The following TPM1 variants were observed in gnomAD, a reference collection of about 807,000 sequenced individuals.
TPM1 encodes the protein tropomyosin 1, also known as tropomyosin alpha-1 chain.
TPM1 carries 24 observed loss-of-function variants against 42.9 expected under a neutral mutation model. The observed-to-expected ratio is 0.56, with a 90% confidence interval of 0.41 to 0.79. The LOEUF is 0.79. TPM1 is among the 30% of genes least tolerant of loss of function. The pLI is 0.00. For missense variants in TPM1, 158 were observed against 351.8 expected (o/e 0.45, Z 4.41); for synonymous variants, 136 against 130.1 (o/e 1.05, Z -0.31).
chr15:63,062,422 A>C (rs1166836224), intron 7 of TPM1, 145 bp downstream of exon 7: 1 of 1,232,072 alleles, frequency 8.1e-7, no homozygotes, highest in Admixed American at 1.8e-5. Context: ...TACTGTGCTA[A>C]CTGCCATTTC....
downstream of TPM1, chr15:63,070,814 T>C (rs9920576): frequency 0.14 from 174,110 of 1,247,392 alleles, 12,874 homozygotes; most frequent in Admixed American, 0.27. Context: ...TCAGTGAACC[T>C]TCACCAAACC....
intron 2 of TPM1, chr15:63,048,491 CCAGGACAGCCGCGGCAGCCGGGTCCG>C (rs1566943174): frequency 4.8e-6 from 7 of 1,447,706 alleles, no homozygotes; most frequent in Non-Finnish European, 6.3e-6. Context: ...CGCTGGGCAG[CCAGGACAGCCGCGGCAGCCGGGTCCG>C]CAGGGCAGCA....
In TPM1 at chr15:63,066,119, CTTA is replaced by C; in HGVS notation, c.*223_*225del. The stretch of plus-strand genomic sequence containing the variant: ...TTTCTGTTTGCTATTCTTTTTACTT[CTTA>C]TTTATTGACATTTTAGTTTCAACAT... On this transcript the variant is annotated 3_prime_UTR_variant, in exon 10 of 10. Coordinates refer to ENST00000403994, the MANE Select transcript of TPM1 (RefSeq NM_001018005.2). The C allele has an allele frequency of 6.7e-7, 1 of 1,486,498 alleles. No individual in the cohort carries two copies. The highest frequency in any genetic ancestry group is 8.9e-7 in the Non-Finnish European group (1 of 1,127,482). The allele number at this position is 1,486,498 out of a possible 1,614,324, so 92.1% of individuals were successfully genotyped here. A position where few individuals can be genotyped will look rare whatever the true frequency, so the allele number is the denominator to read the frequency against.
chr15:63,071,042 T>A (rs1485993957), downstream of TPM1: 3 of 1,612,244 alleles, frequency 1.9e-6, no homozygotes, highest in African/African-American at 4.0e-5. Flanking sequence ...ACCACCATTG[T>A]GTCCAAAGCA....
At chr15:63,048,907 C>T (rs1392456977) in intron 2 of TPM1, 10 of 708,174 alleles carry the variant, frequency 1.4e-5, no homozygotes, top group Non-Finnish European at 2.4e-5. Flanking sequence ...TGTTTTCCAT[C>T]TCGCTGATCC....
At chr15:63,058,883 A>G (rs765121640) in intron 3 of TPM1, among the ~76,000 whole-genome samples, 3 of 152,214 alleles carry the variant, frequency 2.0e-5, no homozygotes, top group Non-Finnish European at 4.4e-5. Context: ...ACCATGCCAT[A>G]GGACCCTAAT....
chr15:63,056,548 T>G (rs770044007), intron 2 of TPM1: 26,381 of 221,938 alleles, frequency 0.12, 1,994 homozygotes, highest in Admixed American at 0.25. Context: ...GCGCCTGTAG[T>G]CCCAACTACT....
At chr15:63,043,690 C>G in intron 1 of TPM1, 2 of 1,542,824 alleles carry the variant, frequency 1.3e-6, no homozygotes, top group Non-Finnish European at 1.7e-6. Context: ...CCGCGCCCGC[C>G]CGCCGCTGCC....
At chr15:63,045,852 T>C (rs924209672) in intron 2 of TPM1, 1 of 152,218 alleles carries the variant, frequency 6.6e-6, no homozygotes, top group African/African-American at 2.4e-5. Flanking sequence ...TTTGGTTATT[T>C]TTCCCACCGG....
At chr15:63,048,558 C>A in intron 2 of TPM1, 6 of 1,521,002 alleles carry the variant, frequency 3.9e-6, no homozygotes, top group Non-Finnish European at 5.3e-6. Flanking sequence ...CCCTCCCGCC[C>A]GCCTACCGTC....
chr15:63,051,479 C>A (rs1415760428), intron 2 of TPM1, among the ~76,000 whole-genome samples: 3 of 151,786 alleles, frequency 2.0e-5, no homozygotes, highest in African/African-American at 7.3e-5. Flanking sequence ...GGCTTTGGCA[C>A]ACACAGGAGG....
At chr15:63,062,125 C>A in intron 6 of TPM1, 90 bp from the exon 7 acceptor site, 1 of 1,144,532 alleles carries the variant, frequency 8.7e-7, no homozygotes. Context: ...TCCTTAACAT[C>A]TGTTGGCTGA....
At chr15:63,065,213 A>G in intron 9 of TPM1, 1 of 986,138 alleles carries the variant, frequency 1.0e-6, no homozygotes, top group Non-Finnish European at 1.2e-6. Context: ...TTGAACAGAT[A>G]CAACTAATTT....
chr15:63,070,072 A>G (rs1273182312), downstream of TPM1: 1 of 1,546,050 alleles, frequency 6.5e-7, no homozygotes, highest in African/African-American at 1.4e-5. Flanking sequence ...AATGCAAGGA[A>G]TTGGCTGAAA....
chr15:63,061,833 T>C, intron 6 of TPM1, 45 bp downstream of exon 6: 1 of 1,559,942 alleles, frequency 6.4e-7, no homozygotes, highest in Non-Finnish European at 8.8e-7. Context: ...TTTTAAGAGC[T>C]GCTCAAAAGA....
chr15:63,043,674 G>C, intron 1 of TPM1: 1 of 1,539,166 alleles, frequency 6.5e-7, no homozygotes, highest in Non-Finnish European at 8.7e-7. Context: ...GGTCCGTGCC[G>C]GCCGCCCGCG....
chr15:63,062,346 G>A, intron 7 of TPM1, 69 bp downstream of exon 7: 1 of 1,507,218 alleles, frequency 6.6e-7, no homozygotes. Flanking sequence ...ACCGGTCAGG[G>A]CCTTTTCATT....
intron 2 of TPM1, chr15:63,048,318 C>A: frequency 1.0e-6 from 1 of 962,410 alleles, no homozygotes; most frequent in Non-Finnish European, 1.5e-6. Flanking sequence ...CGAGCATGCG[C>A]AGTGCCCCCA....
intron 2 of TPM1, among the ~76,000 whole-genome samples, chr15:63,053,144 C>T (rs1023737782): frequency 6.6e-6 from 1 of 152,196 alleles, no homozygotes; most frequent in Non-Finnish European, 1.5e-5. Context: ...ATGTGAGCTT[C>T]CTATTACCCA....
Sources: gnomAD v4.1 joint callset for allele counts (sites outside exome capture counted in the v4.1 genomes callset) on GRCh38, gnomAD v4.1.1 for gene constraint, MANE v1.5 for transcripts, NCBI Gene and HGNC (gene_info 2026-07-23, HGNC 2026-07-21) for gene names.